The following CCSER1 variants were observed in gnomAD, a reference collection of about 807,000 sequenced individuals.
CCSER1 encodes serine-rich coiled-coil domain-containing protein 1.
In CCSER1, 41 loss-of-function variants were observed where a neutral mutation model predicts 82.0. The ratio of observed to expected loss-of-function variants is 0.50; its 90% CI spans 0.39 to 0.65. The LOEUF (loss-of-function observed/expected upper bound fraction) is 0.65. Ranked by LOEUF, CCSER1 falls within the 30% of genes least tolerant of loss-of-function variation. The pLI is 0.00. For missense variants in CCSER1, 1,119 were observed against 1,064.2 expected, an observed-to-expected ratio of 1.05 and a Z score of -0.72; for synonymous variants, 414 against 383.9, an observed-to-expected ratio of 1.08 and a Z score of -0.92.
chr4:90,730,930 A>G (rs1287267919), intron 7 of CCSER1, among the ~76,000 whole-genome samples: 5 of 152,194 alleles, frequency 3.3e-5, no homozygotes, highest in Non-Finnish European at 7.3e-5. Flanking sequence ...AAGACTTAAG[A>G]TCTTATTTCA....
intron 7 of CCSER1, among the ~76,000 whole-genome samples, chr4:90,809,604 G>A (rs980706622): frequency 1.3e-5 from 2 of 151,778 alleles, no homozygotes; most frequent in Admixed American, 6.6e-5. Flanking sequence ...TAAGTGATAA[G>A]TACACTAAAA....
intron 1 of CCSER1, among the ~76,000 whole-genome samples, chr4:90,156,772 C>T (rs1437058524): frequency 6.8e-6 from 1 of 147,250 alleles, no homozygotes; most frequent in Non-Finnish European, 1.5e-5. Flanking sequence ...TGTGTCTCTG[C>T]ACATGAGATG....
chr4:90,455,877 C>G (rs1006937161), intron 4 of CCSER1, among the ~76,000 whole-genome samples: 2 of 152,182 alleles, frequency 1.3e-5, no homozygotes, highest in Admixed American at 6.6e-5. Flanking sequence ...GCCCCCTAAA[C>G]TTCACTGTCA....
chr4:90,584,052 AG>A (rs1430361102), intron 5 of CCSER1, among the ~76,000 whole-genome samples: 2 of 152,310 alleles, frequency 1.3e-5, no homozygotes, highest in East Asian at 3.9e-4. Context: ...CTGAGCACCA[AG>A]ATCTCCATTC....
chr4:91,442,619 A>C (rs1359939382), intron 10 of CCSER1, among the ~76,000 whole-genome samples: 2 of 137,254 alleles, frequency 1.5e-5, no homozygotes, highest in Non-Finnish European at 3.1e-5. Context: ...AAAATTGACA[A>C]ATGGGATCTA....
At chr4:91,263,767 A>T (rs372502252) in intron 10 of CCSER1, among the ~76,000 whole-genome samples, 1 of 151,986 alleles carries the variant, frequency 6.6e-6, no homozygotes, top group Non-Finnish European at 1.5e-5. Flanking sequence ...AATAATAATA[A>T]TTAAAATTGG....
intron 1 of CCSER1, among the ~76,000 whole-genome samples, chr4:90,236,963 A>G (rs138321057): frequency 6.6e-6 from 1 of 152,280 alleles, no homozygotes; most frequent in East Asian, 1.9e-4. Flanking sequence ...GTGTTAGTAT[A>G]TGATTCATAA....
intron 6 of CCSER1, among the ~76,000 whole-genome samples, chr4:90,722,798 C>G (rs1417611125): frequency 6.6e-6 from 1 of 151,882 alleles, no homozygotes; most frequent in East Asian, 1.9e-4. Flanking sequence ...GTAGTCCCAA[C>G]TTAATGGATA....
At chr4:90,626,252 A>T (rs958568957) in intron 5 of CCSER1, among the ~76,000 whole-genome samples, 1 of 152,172 alleles carries the variant, frequency 6.6e-6, no homozygotes, top group Non-Finnish European at 1.5e-5. Context: ...ACAACTATTT[A>T]CTGAGTCAGC....
intron 8 of CCSER1, among the ~76,000 whole-genome samples, chr4:90,913,302 A>T (rs868341341): frequency 6.6e-6 from 1 of 152,210 alleles, no homozygotes; most frequent in African/African-American, 2.4e-5. Context: ...CTCAGCAGAC[A>T]CTCTGCAAGC....
At chr4:90,442,040 A>G (rs1759962680) in intron 4 of CCSER1, among the ~76,000 whole-genome samples, 1 of 152,146 alleles carries the variant, frequency 6.6e-6, no homozygotes. Flanking sequence ...TAATCTCTAT[A>G]TTACTCACAA....
At chr4:91,593,555 G>A (rs777860127) in intron 10 of CCSER1, among the ~76,000 whole-genome samples, 23 of 123,642 alleles carry the variant, frequency 1.9e-4, no homozygotes, top group Non-Finnish European at 3.2e-4. Context: ...CTCGTGATCC[G>A]CCCACCTCGG....
intron 6 of CCSER1, among the ~76,000 whole-genome samples, chr4:90,693,734 T>A (rs1218016197): frequency 1.3e-5 from 2 of 151,966 alleles, no homozygotes; most frequent in African/African-American, 4.8e-5. Context: ...AAATAAGATA[T>A]AGATATGGCT....
intron 10 of CCSER1, among the ~76,000 whole-genome samples, chr4:91,206,417 A>G (rs1227887196): frequency 6.6e-6 from 1 of 151,958 alleles, no homozygotes; most frequent in East Asian, 1.9e-4. Flanking sequence ...TTCTTTGGAG[A>G]TGGGGTTTTT....
At chr4:90,777,902 C>T (rs1753152051) in intron 7 of CCSER1, among the ~76,000 whole-genome samples, 2 of 152,158 alleles carry the variant, frequency 1.3e-5, no homozygotes, top group East Asian at 3.9e-4. Flanking sequence ...AATACAAGTT[C>T]CTAACTCAGG....
intron 5 of CCSER1, among the ~76,000 whole-genome samples, chr4:90,531,155 C>T (rs1774466337): frequency 1.3e-5 from 2 of 151,066 alleles, no homozygotes; most frequent in South Asian, 2.1e-4. Flanking sequence ...TCTGGTTTGG[C>T]CTTTTGTTTT....
At chr4:90,445,826 G>A (rs1760572344) in intron 4 of CCSER1, among the ~76,000 whole-genome samples, 1 of 152,074 alleles carries the variant, frequency 6.6e-6, no homozygotes, top group Non-Finnish European at 1.5e-5. Context: ...TGCACAGAAT[G>A]TTGCTATATA....
chr4:91,173,963 T>TA (rs1733039355), intron 10 of CCSER1, among the ~76,000 whole-genome samples: 1 of 152,214 alleles, frequency 6.6e-6, no homozygotes, highest in African/African-American at 2.4e-5. Flanking sequence ...AATTGTAGTT[T>TA]TTATATATAT....
intron 9 of CCSER1, chr4:91,015,339 A>G (rs752695223): frequency 6.6e-6 from 1 of 152,080 alleles, no homozygotes; most frequent in African/African-American, 2.4e-5. Context: ...TCATTTTTTA[A>G]TCAATTTGCT....
Sources: allele counts gnomAD v4.1 joint callset (sites outside exome capture counted in the v4.1 genomes callset), GRCh38; gene constraint gnomAD v4.1.1; transcripts MANE v1.5; gene names NCBI Gene and HGNC (gene_info 2026-07-23, HGNC 2026-07-21).